DSCAM: variants seen among roughly 807,000 people sequenced by gnomAD.
DSCAM encodes the protein cell adhesion molecule DSCAM.
A neutral mutation model predicts 217.7 loss-of-function variants in DSCAM; 47 were observed. That is an observed-to-expected ratio of 0.22 (90% CI 0.17 to 0.28). The LOEUF (loss-of-function observed/expected upper bound fraction) is 0.28. DSCAM is among the 10% of genes least tolerant of loss of function. The probability of loss-of-function intolerance (pLI) is 1.00; values close to 1 mark genes in which losing one functional copy is unlikely to be tolerated. For missense variants in DSCAM, 2,080 were observed against 2,618.3 expected (o/e 0.79, Z 4.49); for synonymous variants, 1,056 against 1,015.3 (o/e 1.04, Z -0.76).
intron 3 of DSCAM, among the ~76,000 whole-genome samples, chr21:40,622,240 A>G (rs1041327444): frequency 4.6e-5 from 7 of 151,492 alleles, no homozygotes; most frequent in Non-Finnish European, 1.0e-4. Flanking sequence ...GACTTTAAAG[A>G]CAAAAAGAAA....
intron 7 of DSCAM, among the ~76,000 whole-genome samples, chr21:40,338,678 A>G (rs974946829): frequency 6.6e-5 from 10 of 152,262 alleles, no homozygotes; most frequent in African/African-American, 2.4e-4. Context: ...ATACTGGACA[A>G]TCACGCACTT....
At chr21:40,021,223 A>AG (rs1428920097) in intron 32 of DSCAM, among the ~76,000 whole-genome samples, 3 of 151,496 alleles carry the variant, frequency 2.0e-5, no homozygotes, top group Non-Finnish European at 4.4e-5. Flanking sequence ...AAAAAAAAAA[A>AG]AAAGAAAAGA....
chr21:40,242,164 T>TA (rs200730227), intron 11 of DSCAM, among the ~76,000 whole-genome samples: 37 of 151,478 alleles, frequency 2.4e-4, no homozygotes, highest in South Asian at 1.5e-3. Context: ...TTTTTTTTTT[T>TA]TAAAAGAAAG....
intron 1 of DSCAM, among the ~76,000 whole-genome samples, chr21:40,792,544 G>A (rs922120391): frequency 3.3e-5 from 5 of 152,262 alleles, no homozygotes; most frequent in Middle Eastern, 3.4e-3. Flanking sequence ...GGAGTTTACA[G>A]CTTCAGCATA....
At chr21:40,127,729 A>G (rs1288129937) in intron 19 of DSCAM, among the ~76,000 whole-genome samples, 1 of 152,166 alleles carries the variant, frequency 6.6e-6, no homozygotes, top group Non-Finnish European at 1.5e-5. Context: ...TGGCCCCATC[A>G]TCTTCTCAGT....
Position 40,042,505 on chromosome 21 carries a change from G to C in DSCAM, c.5552C>G (p.Thr1851Arg). ...GGTCAGACTGTCCGTGTACTCATTT[G>C]TCCCTGCCGTCAACTGCTCCGATGA... ...DTSSEQLTAG[T>R]NEYTDSLTSS... The change falls in exon 32 of 33, where the codon ACA (threonine) becomes AGA (arginine). Residue 1851 changes from threonine (T) to arginine (R), a missense_variant. Thr to Arg is a moderately conservative substitution (Grantham distance 71, BLOSUM62 -1). Around this residue, in one of 5 missense-constraint regions of DSCAM, gnomAD observed 1,144 missense variants for 1,421.1 expected, o/e 0.81. Coordinates refer to ENST00000400454, the MANE Select transcript of DSCAM (RefSeq NM_001389.5). 1 of 1,614,196 alleles carries C rather than the reference G, an allele frequency of 6.2e-7. No individual in the cohort carries two copies. Among genetic ancestry groups the C allele is most frequent in the Non-Finnish European group, 8.5e-7 (1 of 1,180,050 alleles).
intron 23 of DSCAM, among the ~76,000 whole-genome samples, chr21:40,084,708 G>A (rs564339419): frequency 7.0e-4 from 106 of 151,812 alleles, no homozygotes; most frequent in Non-Finnish European, 1.2e-3. Context: ...CATATAGAAA[G>A]CTTCATATAA....
intron 9 of DSCAM, among the ~76,000 whole-genome samples, chr21:40,299,667 C>T (rs943412846): frequency 7.1e-4 from 108 of 152,164 alleles, no homozygotes; most frequent in Non-Finnish European, 5.7e-4. Flanking sequence ...GATTAAAATT[C>T]CAGGGCAGGG....
chr21:40,086,663 T>C (rs112540255), intron 22 of DSCAM, among the ~76,000 whole-genome samples: 2,862 of 152,314 alleles, frequency 0.019, 88 homozygotes, highest in African/African-American at 0.065. Flanking sequence ...TCTCTCCCTC[T>C]ATCTTGGCTC....
chr21:40,069,387 C>T (rs1277916293), intron 27 of DSCAM, among the ~76,000 whole-genome samples: 2 of 152,176 alleles, frequency 1.3e-5, no homozygotes, highest in Admixed American at 6.5e-5. Flanking sequence ...TTGTGCCTGG[C>T]ATGAAGGTGC....
At chr21:40,183,800 T>C (rs1006299635) in intron 14 of DSCAM, among the ~76,000 whole-genome samples, 3 of 152,226 alleles carry the variant, frequency 2.0e-5, no homozygotes, top group African/African-American at 7.2e-5. Flanking sequence ...TGAAGTACTT[T>C]AATACATTGG....
chr21:40,709,292 C>G (rs2837788), intron 1 of DSCAM, among the ~76,000 whole-genome samples: 47,605 of 152,012 alleles, frequency 0.31, 8,051 homozygotes, highest in African/African-American at 0.44. Context: ...GGTTATTATG[C>G]AATGAAATTT....
intron 32 of DSCAM, among the ~76,000 whole-genome samples, chr21:40,039,749 T>A (rs1280372561): frequency 1.3e-5 from 2 of 152,168 alleles, no homozygotes; most frequent in Non-Finnish European, 2.9e-5. Context: ...CTGGCCAAAT[T>A]CATGTAACTT....
intron 11 of DSCAM, among the ~76,000 whole-genome samples, chr21:40,273,892 C>T (rs960117551): frequency 2.0e-5 from 3 of 152,148 alleles, no homozygotes; most frequent in African/African-American, 7.2e-5. Flanking sequence ...CCCTTTGTGA[C>T]CCAATCACTT....
intron 11 of DSCAM, among the ~76,000 whole-genome samples, chr21:40,270,034 T>C (rs567554190): frequency 2.0e-5 from 3 of 152,302 alleles, no homozygotes; most frequent in Admixed American, 6.5e-5. Context: ...CCTCCTGTTT[T>C]ACAAATTCCT....
At chr21:40,115,294 C>T (rs1468737063) in intron 20 of DSCAM, among the ~76,000 whole-genome samples, 5 of 152,084 alleles carry the variant, frequency 3.3e-5, no homozygotes, top group Admixed American at 2.6e-4. Flanking sequence ...AACCATCATT[C>T]TGAGCAAACT....
chr21:40,206,980 T>G (rs1373332513), intron 11 of DSCAM, among the ~76,000 whole-genome samples: 1 of 152,224 alleles, frequency 6.6e-6, no homozygotes, highest in Non-Finnish European at 1.5e-5. Flanking sequence ...AGAAAGACAT[T>G]GCATGCATGA....
intron 19 of DSCAM, among the ~76,000 whole-genome samples, chr21:40,129,719 T>G (rs1017789707): frequency 6.6e-6 from 1 of 152,174 alleles, no homozygotes; most frequent in African/African-American, 2.4e-5. Context: ...TGGCAGTACT[T>G]CCCAGTGTCT....
intron 3 of DSCAM, among the ~76,000 whole-genome samples, chr21:40,444,498 T>C (rs576508283): frequency 6.6e-6 from 1 of 152,130 alleles, no homozygotes; most frequent in African/African-American, 2.4e-5. Context: ...GCATAGCCAA[T>C]ATCCAGCCAC....
Sources: gnomAD v4.1 joint callset for allele counts (sites outside exome capture counted in the v4.1 genomes callset) on GRCh38, gnomAD v4.1.1 for gene constraint, gnomAD v4.1.1 regional missense constraint, MANE v1.5 for transcripts, NCBI Gene and HGNC (gene_info 2026-07-23, HGNC 2026-07-21) for gene names.